Variants in ADGRE5 observed in about 807,000 individuals in gnomAD.
ADGRE5 encodes CD97 molecule.
A neutral mutation model predicts 100.3 loss-of-function variants in ADGRE5; 72 were observed. That is an observed-to-expected ratio of 0.72 (90% CI 0.59 to 0.87). The LOEUF (loss-of-function observed/expected upper bound fraction) is 0.87, where lower values mean the gene tolerates loss of function less well. Among genes scored for constraint, ADGRE5 ranks in the 40% least tolerant of loss-of-function variants. The pLI is 0.00. For synonymous variants in ADGRE5, 439 were observed against 447.8 expected (o/e 0.98, Z 0.25); for missense variants, 959 against 1,094.7 (o/e 0.88, Z 1.75).
rs1976013776 is a variant in ADGRE5 at position 14,401,591 on chromosome 19, C to T, written c.1075+28C>T. ...GAGGCCTTGGCCTGGCCTGCCCTGC[C>T]CCAACCCTGGGCCCCACCTGGTACC... On this transcript the variant is annotated intron_variant, in intron 10 of 19. Coordinates refer to ENST00000242786, the MANE Select transcript of ADGRE5 (RefSeq NM_078481.4). The surrounding 1 kb of genome is among the most constrained non-coding windows in gnomAD (Gnocchi z 4.1). The T allele has an allele frequency of 6.2e-7, 1 of 1,610,706 alleles. No individual in the cohort carries two copies. Among genetic ancestry groups the T allele is most frequent in the Non-Finnish European group, 8.5e-7 (1 of 1,177,724 alleles).
intron 1 of ADGRE5, among the ~76,000 whole-genome samples, chr19:14,388,180 A>G (rs1216308101): frequency 1.3e-5 from 2 of 151,844 alleles, no homozygotes; most frequent in Non-Finnish European, 2.9e-5. Context: ...GTGAGATATG[A>G]TTGCACCACT....
chr19:14,391,192 T>C (rs992773547), intron 4 of ADGRE5, 113 bp downstream of exon 4: 20 of 1,382,044 alleles, frequency 1.4e-5, no homozygotes, highest in Middle Eastern at 3.7e-4. Context: ...GTGCCTGGCG[T>C]CTGAGATGGG....
chr19:14,383,706 C>A (rs1248194560), intron 1 of ADGRE5, among the ~76,000 whole-genome samples: 2 of 151,602 alleles, frequency 1.3e-5, no homozygotes, highest in East Asian at 3.9e-4. Flanking sequence ...GAACTCAAAC[C>A]AGAACAGCAG....
intron 4 of ADGRE5, among the ~76,000 whole-genome samples, chr19:14,395,301 CA>C (rs5827226): frequency 0.77 from 104,742 of 135,692 alleles, 38,735 homozygotes; most frequent in East Asian, 0.85. Context: ...ACGCTGTCTC[CA>C]AAAAAAAAAA....
At position 14,389,045 on chromosome 19, in the gene ADGRE5, G is replaced by A. The variant is rs1216422847; in HGVS notation, c.190+227G>A. Reference sequence around the variant, plus strand: ...TGAGGCCAGGAGTACTCAGAAGACTGAGGGGAGAGGATTATTTGAGCCCAA... The same window carrying A: ...TGAGGCCAGGAGTACTCAGAAGACTAAGGGGAGAGGATTATTTGAGCCCAA... On this transcript the variant is annotated intron_variant, in intron 3 of 19. Coordinates refer to ENST00000242786, the MANE Select transcript of ADGRE5 (RefSeq NM_078481.4). 3.5e-5 allele frequency among the ~76,000 whole-genome samples: 5 copies of A among 144,000 alleles called. No individual in the cohort carries two copies. The South Asian group carries it at 6.8e-4, about 19-fold the overall frequency. 94.5% of individuals were successfully genotyped at this position (144,000 alleles called of 152,430 possible). A position where few individuals can be genotyped will look rare whatever the true frequency, so the allele number is the denominator to read the frequency against.
chr19:14,401,382 C>A lies in ADGRE5; in HGVS notation c.898-4C>A. Reference sequence around the variant, plus strand: ...CAGCGATTCTGTCACCCGCCACCCCCTAGAATGTCATCAAATTGGTGGATG... The same window carrying A: ...CAGCGATTCTGTCACCCGCCACCCCATAGAATGTCATCAAATTGGTGGATG... On this transcript the variant is annotated splice_polypyrimidine_tract_variant and splice_region_variant and intron_variant, in intron 9 of 19. Coordinates refer to ENST00000242786, the MANE Select transcript of ADGRE5 (RefSeq NM_078481.4). The surrounding 1 kb of genome is among the most constrained non-coding windows in gnomAD (Gnocchi z 4.1). The A allele has an allele frequency of 6.2e-7, 1 of 1,613,724 alleles. No individual in the cohort carries two copies. Among genetic ancestry groups the A allele is most frequent in the Non-Finnish European group, 8.5e-7 (1 of 1,179,802 alleles).
intron 9 of ADGRE5, among the ~76,000 whole-genome samples, chr19:14,399,855 T>G (rs1305236515): frequency 6.6e-6 from 1 of 152,144 alleles, no homozygotes; most frequent in African/African-American, 2.4e-5. Flanking sequence ...TTAGTTAGTT[T>G]TAGAGATACG....
chr19:14,396,567 T>C (rs1393087321), intron 5 of ADGRE5, 94 bp downstream of exon 5: 1 of 1,550,832 alleles, frequency 6.4e-7, no homozygotes, highest in Admixed American at 1.9e-5. Flanking sequence ...AGGGGGAAGA[T>C]CCGCAGGTTC....
In ADGRE5 at chr19:14,381,768, C is replaced by G. The variant is rs73515682; in HGVS notation, c.22+223C>G. On this transcript the variant is annotated intron_variant, in intron 1 of 19. Transcript: ENST00000242786. ...CAGGGTGCTCTTGGAGCCTGCTACC[C>G]TGCCTGGAGGGATCCTCAAGCTTTC... 1.8e-3 allele frequency among the ~76,000 whole-genome samples: 278 copies of G among 152,310 alleles called. 1 individual carries two copies. The highest frequency in any genetic ancestry group is 6.4e-3 in the African/African-American group (265 of 41,560).
intron 6 of ADGRE5, 127 bp downstream of exon 6, chr19:14,397,350 T>C (rs1599623714): frequency 6.8e-7 from 1 of 1,481,356 alleles, no homozygotes; most frequent in African/African-American, 1.4e-5. Context: ...TCGTTCATTC[T>C]TCTGAGGCTA....
intron 11 of ADGRE5, among the ~76,000 whole-genome samples, chr19:14,402,375 C>T (rs1459856572): frequency 1.3e-5 from 2 of 151,178 alleles, no homozygotes; most frequent in Non-Finnish European, 2.9e-5. Context: ...GTGGAGGTTG[C>T]AGTGAGCTGA....
chr19:14,382,370 G>A (rs1471227484), intron 1 of ADGRE5, among the ~76,000 whole-genome samples: 1 of 152,176 alleles, frequency 6.6e-6, no homozygotes, highest in Non-Finnish European at 1.5e-5. Context: ...GTTGGGGGCA[G>A]TTGCCAAGAC....
intron 1 of ADGRE5, 115 bp from the exon 2 acceptor site, chr19:14,388,335 G>T: frequency 2.0e-6 from 3 of 1,535,218 alleles, no homozygotes; most frequent in Non-Finnish European, 2.6e-6. Context: ...CTGAACGACC[G>T]TCAGGATCTG....
intron 3 of ADGRE5, among the ~76,000 whole-genome samples, chr19:14,389,807 G>A (rs1323898531): frequency 6.6e-6 from 1 of 151,842 alleles, no homozygotes; most frequent in East Asian, 1.9e-4. Flanking sequence ...GGTGGCTTAC[G>A]CCTGTAATCC....
intron 5 of ADGRE5, among the ~76,000 whole-genome samples, 182 bp from the exon 6 acceptor site, chr19:14,396,895 C>T (rs1975801182): frequency 6.6e-6 from 1 of 152,140 alleles, no homozygotes. Context: ...CTGCTGTGCC[C>T]ATCTGGTAGG....
rs1387753775 is a variant in ADGRE5 at position 14,381,684 on chromosome 19, G to A, written c.22+139G>A. On this transcript the variant is annotated intron_variant, in intron 1 of 19. Coordinates refer to ENST00000242786, the MANE Select transcript of ADGRE5 (RefSeq NM_078481.4). ...GCCACATGGTCAAGCAGGCACTCAC[G>A]GGCACACGGCGAGAGGGGCTGGTGG... The A allele has an allele frequency of 1.3e-5, 13 of 1,026,368 alleles. No individual in the cohort carries two copies. The Admixed American group carries it at 3.0e-4, about 24-fold the overall frequency. The allele number at this position is 1,026,368 out of a possible 1,614,324, so 63.6% of individuals were successfully genotyped here. A position where few individuals can be genotyped will look rare whatever the true frequency, so the allele number is the denominator to read the frequency against.
At chr19:14,389,789 C>T (rs942091484) in intron 3 of ADGRE5, among the ~76,000 whole-genome samples, 12 of 151,198 alleles carry the variant, frequency 7.9e-5, no homozygotes, top group Non-Finnish European at 7.4e-5. Flanking sequence ...GAAAAGTAGG[C>T]CCGGCATGGT....
chr19:14,399,170 C>G (rs1042299844), intron 9 of ADGRE5, among the ~76,000 whole-genome samples: 3 of 151,752 alleles, frequency 2.0e-5, no homozygotes, highest in Non-Finnish European at 4.4e-5. Context: ...GCAACACAGG[C>G]ATGAAAGTAA....
chr19:14,381,964 G>A (rs547866858), intron 1 of ADGRE5, among the ~76,000 whole-genome samples: 1 of 152,278 alleles, frequency 6.6e-6, no homozygotes, highest in Non-Finnish European at 1.5e-5. Context: ...TCCACTGCAA[G>A]GTACCCCCAA....
Sources: allele counts gnomAD v4.1 joint callset (sites outside exome capture counted in the v4.1 genomes callset), GRCh38; gene constraint gnomAD v4.1.1; non-coding constraint Gnocchi (gnomAD v3.1); transcripts MANE v1.5; gene names NCBI Gene and HGNC (gene_info 2026-07-23, HGNC 2026-07-21).